Variants in SNX25 observed in about 807,000 individuals in gnomAD.
SNX25 encodes the protein sorting nexin-25.
In SNX25, 62 loss-of-function variants were observed where a neutral mutation model predicts 113.7. The observed-to-expected ratio is 0.55, with a 90% CI of 0.44 to 0.67. The LOEUF (loss-of-function observed/expected upper bound fraction) is 0.67. SNX25 is among the 30% of genes least tolerant of loss of function. SNX25 has a pLI of 0.00. For missense variants in SNX25, 1,014 were observed against 1,161.0 expected (o/e 0.87, Z 1.84); for synonymous variants, 421 against 436.2 (o/e 0.97, Z 0.43).
At chr4:185,370,771 G>A, downstream of SNX25, 1 of 1,614,096 alleles carries the variant, frequency 6.2e-7, no homozygotes, top group Non-Finnish European at 8.5e-7. Context: ...TCTGTGACCT[G>A]GGCGATCATG....
At chr4:185,241,174 C>G (rs1476590650) in intron 1 of SNX25, among the ~76,000 whole-genome samples, 1 of 152,016 alleles carries the variant, frequency 6.6e-6, no homozygotes, top group East Asian at 1.9e-4. Context: ...CCACTGCACT[C>G]CAGCCTGGGC....
At chr4:185,241,706 G>A (rs866409667) in intron 1 of SNX25, among the ~76,000 whole-genome samples, 38 of 152,084 alleles carry the variant, frequency 2.5e-4, no homozygotes, top group African/African-American at 8.9e-4. Flanking sequence ...CCCTGTCCTC[G>A]TTTCTGGACC....
chr4:185,315,506 C>T (rs1306824979), intron 7 of SNX25, among the ~76,000 whole-genome samples: 1 of 152,000 alleles, frequency 6.6e-6, no homozygotes, highest in African/African-American at 2.4e-5. Context: ...GTTGGCCAGG[C>T]TGGTCTCAAC....
chr4:185,226,959 G>A (rs1345874934), intron 1 of SNX25, among the ~76,000 whole-genome samples: 10 of 152,154 alleles, frequency 6.6e-5, no homozygotes, highest in Admixed American at 2.0e-4. Flanking sequence ...CAAGCTCAGG[G>A]CTAGGGCAGG....
intron 1 of SNX25, among the ~76,000 whole-genome samples, chr4:185,231,724 AAAGC>A (rs1400644085): frequency 6.6e-6 from 1 of 151,870 alleles, no homozygotes; most frequent in Non-Finnish European, 1.5e-5. Context: ...AAAAAAAAAA[AAAGC>A]AGGATTTATT....
chr4:185,362,509 G>T, intron 17 of SNX25, 102 bp from the exon 18 acceptor site: 2 of 1,239,830 alleles, frequency 1.6e-6, no homozygotes, highest in Non-Finnish European at 2.2e-6. Flanking sequence ...GCCTCCATGT[G>T]TTTATTGACT....
At chr4:185,230,627 G>A (rs1414962396) in intron 1 of SNX25, among the ~76,000 whole-genome samples, 1 of 151,272 alleles carries the variant, frequency 6.6e-6, no homozygotes, top group Non-Finnish European at 1.5e-5. Flanking sequence ...TCGAACTCCC[G>A]ACCTCAGGTG....
chr4:185,222,483 C>T (rs1344355210), intron 1 of SNX25, among the ~76,000 whole-genome samples: 2 of 151,594 alleles, frequency 1.3e-5, no homozygotes, highest in East Asian at 3.9e-4. Flanking sequence ...ACCCCTCCCT[C>T]TCGGTAGGTT....
chr4:185,265,723 A>G (rs893183490), intron 4 of SNX25, among the ~76,000 whole-genome samples: 4 of 152,104 alleles, frequency 2.6e-5, no homozygotes, highest in African/African-American at 7.2e-5. Context: ...TTTTGTAATA[A>G]CATTTATCAT....
chr4:185,315,159 C>T (rs1414416305), intron 7 of SNX25, among the ~76,000 whole-genome samples: 22 of 150,084 alleles, frequency 1.5e-4, no homozygotes, highest in Admixed American at 6.6e-4. Context: ...ACCTGGGAGG[C>T]GGAGCTTGCA....
intron 1 of SNX25, among the ~76,000 whole-genome samples, chr4:185,236,934 T>G (rs1038450596): frequency 2.0e-5 from 3 of 152,248 alleles, no homozygotes; most frequent in Non-Finnish European, 4.4e-5. Context: ...ATGTTATTAG[T>G]GATCATCTGG....
In SNX25 at chr4:185,266,994, G is replaced by T. The variant is rs753097198; in HGVS notation, c.930G>T (p.Leu310=). 2 of 1,613,146 alleles carry T rather than the reference G, an allele frequency of 1.2e-6. No homozygotes were observed. The highest frequency in any genetic ancestry group is 2.2e-5 in the South Asian group (2 of 90,894). The change falls in exon 5 of 19, where the codon CTG becomes CTT. Residue 310 remains leucine (L), a synonymous_variant. Coordinates refer to ENST00000652585, the MANE Select transcript of SNX25 (RefSeq NM_001378034.2). ...TKVLKPVVEL[L]SNPDYINQML... is the part of the protein sequence containing the mutation. The stretch of plus-strand genomic sequence containing the variant: ...TCTTGAAGCCGGTAGTGGAGTTACT[G>T]AGTAATCCAGATTACATTAACCAAA...
chr4:185,272,438 C>T (rs180705848), intron 5 of SNX25, among the ~76,000 whole-genome samples: 3 of 152,252 alleles, frequency 2.0e-5, no homozygotes, highest in Admixed American at 1.3e-4. Flanking sequence ...CAGCTTGTGG[C>T]CCAGGAAAAC....
intron 6 of SNX25, among the ~76,000 whole-genome samples, chr4:185,299,829 C>T (rs1753377691): frequency 6.6e-6 from 1 of 152,042 alleles, no homozygotes; most frequent in Non-Finnish European, 1.5e-5. Flanking sequence ...TGTTATCAAG[C>T]ATATTTAAGG....
At chr4:185,281,972 C>A (rs1750642064) in intron 5 of SNX25, among the ~76,000 whole-genome samples, 1 of 151,952 alleles carries the variant, frequency 6.6e-6, no homozygotes, top group Non-Finnish European at 1.5e-5. Flanking sequence ...GTCGAGATTG[C>A]ACCATTGCAC....
chr4:185,240,691 C>G (rs1171076627), intron 1 of SNX25, among the ~76,000 whole-genome samples: 2 of 150,842 alleles, frequency 1.3e-5, no homozygotes, highest in South Asian at 2.1e-4. Flanking sequence ...GGCTGCCGGG[C>G]GGGGGGCTGA....
intron 8 of SNX25, 78 bp downstream of exon 8, chr4:185,320,942 C>G (rs756503148): frequency 4.5e-6 from 6 of 1,324,980 alleles, no homozygotes; most frequent in Non-Finnish European, 6.0e-6. Flanking sequence ...GTCTGTTTTT[C>G]TCAAGATAAG....
chr4:185,363,701 C>A lies in SNX25; in HGVS notation c.*236C>A. The A allele has an allele frequency of 2.8e-6, 1 of 353,942 alleles. No homozygotes were observed. The highest frequency in any genetic ancestry group is 5.1e-6 in the Non-Finnish European group (1 of 194,446). The allele number at this position is 353,942 out of a possible 1,614,324, so 21.9% of individuals were successfully genotyped here. On this transcript the variant is annotated 3_prime_UTR_variant, in exon 19 of 19. Coordinates refer to ENST00000652585, the MANE Select transcript of SNX25 (RefSeq NM_001378034.2). The surrounding 1 kb of genome is among the most constrained non-coding windows in gnomAD (Gnocchi z 4.2). ...ATGAATACTTTAAAGATCAACATAC[C>A]GATTGAAATACAAATGTTAATATGT...
chr4:185,370,833 G>A, downstream of SNX25: 3 of 1,613,260 alleles, frequency 1.9e-6, no homozygotes, highest in Admixed American at 1.7e-5. Flanking sequence ...ATGTAGAGTT[G>A]TGAAATGGAA....
Sources: allele counts gnomAD v4.1 joint callset (sites outside exome capture counted in the v4.1 genomes callset), GRCh38; gene constraint gnomAD v4.1.1; non-coding constraint Gnocchi (gnomAD v3.1); transcripts MANE v1.5; gene names NCBI Gene and HGNC (gene_info 2026-07-23, HGNC 2026-07-21).